The following LIN28B variants were observed in gnomAD, a reference collection of about 807,000 sequenced individuals.
The protein encoded by LIN28B is protein lin-28 homolog B.
LIN28B carries 5 observed loss-of-function variants against 21.9 expected under a neutral mutation model. The observed-to-expected ratio is 0.23, with a 90% confidence interval of 0.12 to 0.48. The LOEUF is 0.48. Among genes scored for constraint, LIN28B ranks in the 20% least tolerant of loss-of-function variants. The pLI, the probability that LIN28B is intolerant of heterozygous loss-of-function variation, is 0.98. For synonymous variants in LIN28B, 109 were observed against 111.3 expected, an observed-to-expected ratio of 0.98 and a Z score of 0.13; for missense variants, 245 against 310.5, an observed-to-expected ratio of 0.79 and a Z score of 1.58.
At chr6:105,032,195 C>T (rs1247176054) in intron 3 of LIN28B, among the ~76,000 whole-genome samples, 1 of 152,022 alleles carries the variant, frequency 6.6e-6, no homozygotes, top group Non-Finnish European at 1.5e-5. Flanking sequence ...TGAGTGGTGT[C>T]CAGTTGTGAC....
chr6:104,954,919 T>G (rs1191562497), upstream of LIN28B, among the ~76,000 whole-genome samples: 1 of 151,614 alleles, frequency 6.6e-6, no homozygotes, highest in Non-Finnish European at 1.5e-5. Flanking sequence ...ATGATTAAAC[T>G]GTTTTCTAAT....
intron 2 of LIN28B, among the ~76,000 whole-genome samples, chr6:104,990,555 G>T (rs902891292): frequency 3.5e-4 from 47 of 134,484 alleles, no homozygotes; most frequent in Non-Finnish European, 6.8e-4. Flanking sequence ...TTTTAGTCTT[G>T]TTTTTTATTT....
upstream of LIN28B, among the ~76,000 whole-genome samples, chr6:104,955,753 C>G (rs1778278371): frequency 6.9e-6 from 1 of 144,382 alleles, no homozygotes; most frequent in African/African-American, 2.6e-5. Flanking sequence ...TCTTGGTAAA[C>G]TGCTTGTTTA....
intron 2 of LIN28B, among the ~76,000 whole-genome samples, chr6:105,014,391 C>T (rs1022693114): frequency 1.3e-5 from 2 of 152,226 alleles, no homozygotes; most frequent in African/African-American, 4.8e-5. Context: ...GCAATCTTGG[C>T]TCACTGTAAC....
intron 2 of LIN28B, among the ~76,000 whole-genome samples, chr6:104,945,092 A>AAT (rs1183976096): frequency 6.6e-6 from 1 of 152,164 alleles, no homozygotes; most frequent in Non-Finnish European, 1.5e-5. Flanking sequence ...AGACTTTACA[A>AAT]AAACATTTTA....
At chr6:104,997,439 A>T (rs1311103881) in intron 2 of LIN28B, among the ~76,000 whole-genome samples, 1 of 152,112 alleles carries the variant, frequency 6.6e-6, no homozygotes, top group African/African-American at 2.4e-5. Flanking sequence ...GAAGAAAAGA[A>T]TAAAAAATTT....
At chr6:104,981,927 C>T (rs1342359997) in intron 2 of LIN28B, among the ~76,000 whole-genome samples, 1 of 152,150 alleles carries the variant, frequency 6.6e-6, no homozygotes, top group Non-Finnish European at 1.5e-5. Flanking sequence ...TATTTACAAA[C>T]TGGTCAGACG....
chr6:104,960,087 A>G (rs1022121910), intron 2 of LIN28B, among the ~76,000 whole-genome samples: 6 of 152,194 alleles, frequency 3.9e-5, no homozygotes, highest in Admixed American at 1.3e-4. Flanking sequence ...AGCTGTTTCT[A>G]TACTATAAAC....
At chr6:104,993,219 G>C (rs956645120) in intron 2 of LIN28B, among the ~76,000 whole-genome samples, 6 of 152,242 alleles carry the variant, frequency 3.9e-5, no homozygotes, top group South Asian at 2.1e-4. Flanking sequence ...TGTAATCCCA[G>C]CACTTAGGAA....
intron 2 of LIN28B, among the ~76,000 whole-genome samples, chr6:104,966,302 A>G (rs1400198048): frequency 2.0e-5 from 3 of 152,192 alleles, no homozygotes; most frequent in Non-Finnish European, 4.4e-5. Flanking sequence ...AATGTGATAA[A>G]TAATATTTTT....
At chr6:105,042,565 A>G (rs961585387) in intron 3 of LIN28B, among the ~76,000 whole-genome samples, 1 of 151,606 alleles carries the variant, frequency 6.6e-6, no homozygotes, top group Non-Finnish European at 1.5e-5. Context: ...TTGTAAGATC[A>G]TTATTTTGAA....
At chr6:104,999,934 G>A (rs1332132202) in intron 2 of LIN28B, among the ~76,000 whole-genome samples, 4 of 152,114 alleles carry the variant, frequency 2.6e-5, no homozygotes, top group South Asian at 2.1e-4. Context: ...CGCCTGCCTC[G>A]GCCTCCCAAA....
intron 3 of LIN28B, among the ~76,000 whole-genome samples, chr6:105,077,839 C>A (rs533892908): frequency 2.4e-4 from 37 of 152,268 alleles, no homozygotes; most frequent in Non-Finnish European, 3.7e-4. Flanking sequence ...TCTTATATAT[C>A]AAATTTCACT....
chr6:104,991,246 C>T (rs1243386178), intron 2 of LIN28B, among the ~76,000 whole-genome samples: 3 of 151,506 alleles, frequency 2.0e-5, no homozygotes, highest in Non-Finnish European at 2.9e-5. Flanking sequence ...CCCCCTGCCT[C>T]CCTCCCGGAC....
At chr6:105,001,323 T>C (rs1015968917) in intron 2 of LIN28B, among the ~76,000 whole-genome samples, 10 of 152,188 alleles carry the variant, frequency 6.6e-5, no homozygotes, top group African/African-American at 2.4e-4. Context: ...AAATCACACT[T>C]TTTTATACTG....
rs551118989 is a variant in LIN28B, at chr6:105,080,321, T to G, written c.*1538T>G. The G allele has an allele frequency of 2.6e-5, 4 of 152,770 alleles. No homozygotes were observed. The South Asian group carries it at 8.3e-4, about 32-fold the overall frequency. 9.5% of individuals were successfully genotyped at this position (152,770 alleles called of 1,614,324 possible). On this transcript the variant is annotated 3_prime_UTR_variant, in exon 4 of 4. Transcript: ENST00000345080. ...TAATATTGGGAATAAGATTAAGCAT[T>G]ATAATTATAATGTATGGGCCTGTTG... is the stretch of plus-strand genomic sequence containing the variant.
chr6:104,990,361 T>C (rs1181479883), intron 2 of LIN28B, among the ~76,000 whole-genome samples: 1 of 151,914 alleles, frequency 6.6e-6, no homozygotes, highest in Non-Finnish European at 1.5e-5. Flanking sequence ...TTACTGATTT[T>C]TTTGTTTGCT....
chr6:105,029,555 G>T (rs1051836716), intron 3 of LIN28B, among the ~76,000 whole-genome samples: 1 of 151,870 alleles, frequency 6.6e-6, no homozygotes, highest in Non-Finnish European at 1.5e-5. Flanking sequence ...TTTGAAGCAC[G>T]GTCATCAACT....
chr6:104,946,256 C>A (rs1373858401), intron 2 of LIN28B, among the ~76,000 whole-genome samples: 1 of 152,050 alleles, frequency 6.6e-6, no homozygotes, highest in Non-Finnish European at 1.5e-5. Context: ...GTAACTATTT[C>A]TCTTACTTTT....
Sources: allele counts gnomAD v4.1 joint callset (sites outside exome capture counted in the v4.1 genomes callset), GRCh38; gene constraint gnomAD v4.1.1; transcripts MANE v1.5; gene names NCBI Gene and HGNC (gene_info 2026-07-23, HGNC 2026-07-21).